SRGAP1: variants seen among roughly 807,000 people sequenced by gnomAD.
The protein encoded by SRGAP1 is SLIT-ROBO Rho GTPase activating protein 1, also known as SLIT-ROBO Rho GTPase-activating protein 1.
A neutral mutation model predicts 121.9 loss-of-function variants in SRGAP1; 43 were observed. The observed-to-expected ratio is 0.35, with a 90% CI of 0.28 to 0.46. SRGAP1 has a LOEUF of 0.46. Among genes scored for constraint, SRGAP1 ranks in the 20% least tolerant of loss-of-function variants. SRGAP1 has a pLI of 1.00. For missense variants in SRGAP1, 1,102 were observed against 1,350.9 expected (o/e 0.82, Z 2.89); for synonymous variants, 447 against 485.4 (o/e 0.92, Z 1.04).
At chr12:63,849,504 G>A (rs1899006092) in intron 1 of SRGAP1, among the ~76,000 whole-genome samples, 3 of 152,156 alleles carry the variant, frequency 2.0e-5, no homozygotes, top group Non-Finnish European at 2.9e-5. Flanking sequence ...TATCTACATG[G>A]AATATGTACA....
At chr12:64,125,540 G>T (rs956346536) in intron 18 of SRGAP1, among the ~76,000 whole-genome samples, 1 of 152,200 alleles carries the variant, frequency 6.6e-6, no homozygotes. Context: ...TTCTGAGATG[G>T]TGATTTTTTT....
At chr12:63,989,746 C>CT (rs1310617726) in intron 2 of SRGAP1, among the ~76,000 whole-genome samples, 164 bp from the exon 3 acceptor site, 3 of 152,250 alleles carry the variant, frequency 2.0e-5, no homozygotes, top group Non-Finnish European at 4.4e-5. Flanking sequence ...GGCTGGAAGC[C>CT]TGTTCTGCTG....
At chr12:63,940,317 T>C (rs1469650192) in intron 1 of SRGAP1, among the ~76,000 whole-genome samples, 2 of 151,054 alleles carry the variant, frequency 1.3e-5, no homozygotes, top group African/African-American at 4.9e-5. Flanking sequence ...CCCCACTCCA[T>C]CCTGCCTTTT....
intron 1 of SRGAP1, among the ~76,000 whole-genome samples, chr12:63,868,079 GT>G (rs1565927744): frequency 5.0e-3 from 318 of 63,440 alleles, no homozygotes; most frequent in African/African-American, 0.019. Context: ...TTTTTTTTTT[GT>G]TTTTTTTTTT....
intron 14 of SRGAP1, 68 bp from the exon 15 acceptor site, chr12:64,097,173 T>C (rs1772026150): frequency 5.4e-6 from 8 of 1,487,328 alleles, no homozygotes; most frequent in South Asian, 2.6e-5. Flanking sequence ...TGTATGTTCA[T>C]AGAAATATAT....
chr12:64,101,308 G>GGTGCGTGT (rs1555174259), intron 15 of SRGAP1, among the ~76,000 whole-genome samples: 1 of 138,010 alleles, frequency 7.2e-6, no homozygotes, highest in Non-Finnish European at 1.6e-5. Context: ...TGGGGAAAGG[G>GGTGCGTGT]GTGTGTGTGT....
At chr12:64,016,229 G>A (rs1309315807) in intron 3 of SRGAP1, among the ~76,000 whole-genome samples, 4 of 152,094 alleles carry the variant, frequency 2.6e-5, no homozygotes, top group South Asian at 2.1e-4. Context: ...GCAGATTACC[G>A]AGTTTGAGAC....
At chr12:64,122,943 G>A (rs1465433669) in intron 18 of SRGAP1, among the ~76,000 whole-genome samples, 1 of 152,122 alleles carries the variant, frequency 6.6e-6, no homozygotes, top group East Asian at 1.9e-4. Context: ...TAGAGGTCGT[G>A]ATTGTGCAAT....
At chr12:64,051,279 A>G (rs1159127272) in intron 6 of SRGAP1, among the ~76,000 whole-genome samples, 1 of 152,154 alleles carries the variant, frequency 6.6e-6, no homozygotes, top group Non-Finnish European at 1.5e-5. Context: ...GGTGATGCTA[A>G]AATTGCTGTC....
At chr12:64,051,365 A>T (rs2035236348) in intron 6 of SRGAP1, among the ~76,000 whole-genome samples, 2 of 152,208 alleles carry the variant, frequency 1.3e-5, no homozygotes, top group African/African-American at 2.4e-5. Context: ...TGGATATTTT[A>T]AAACCTCTCA....
At chr12:63,914,830 G>A (rs1014113609) in intron 1 of SRGAP1, among the ~76,000 whole-genome samples, 39 of 151,130 alleles carry the variant, frequency 2.6e-4, no homozygotes, top group African/African-American at 8.3e-4. Context: ...GCTGACCTAC[G>A]TAATTAGGAC....
chr12:63,935,262 G>A (rs1417317353), intron 1 of SRGAP1, among the ~76,000 whole-genome samples: 1 of 152,216 alleles, frequency 6.6e-6, no homozygotes, highest in Non-Finnish European at 1.5e-5. Context: ...TCGTGGAATT[G>A]TGCCTTAATT....
Position 64,162,203 on chromosome 12 carries a change from C to T in SRGAP1, c.*19531C>T, listed in dbSNP as rs561507197. On this transcript the variant is annotated 3_prime_UTR_variant, in exon 22 of 22. Transcript: ENST00000355086. ...CCACTGAATTGTATCCAATAAAGTA[C>T]TAAATTGTATGATATATGAATTATA... The T allele has an allele frequency of 1.3e-5, 2 of 152,090 alleles. No individual in the cohort carries two copies. The highest frequency in any genetic ancestry group is 4.8e-5 in the African/African-American group (2 of 41,410). The allele number at this position is 152,090 out of a possible 1,614,324, so 9.4% of individuals were successfully genotyped here. A position where few individuals can be genotyped will look rare whatever the true frequency, so the allele number is the denominator to read the frequency against.
intron 1 of SRGAP1, among the ~76,000 whole-genome samples, chr12:63,863,815 A>C (rs553857841): frequency 2.6e-5 from 4 of 152,366 alleles, no homozygotes; most frequent in Admixed American, 2.6e-4. Flanking sequence ...AGCCAGAGTA[A>C]TAAGCTCAGA....
intron 1 of SRGAP1, among the ~76,000 whole-genome samples, chr12:63,947,243 A>C (rs1312260115): frequency 6.6e-6 from 1 of 152,194 alleles, no homozygotes; most frequent in East Asian, 1.9e-4. Flanking sequence ...ACCATTTTAC[A>C]ATTTCACCAG....
intron 3 of SRGAP1, among the ~76,000 whole-genome samples, chr12:64,003,688 C>T (rs2033986359): frequency 6.6e-6 from 1 of 151,904 alleles, no homozygotes; most frequent in Non-Finnish European, 1.5e-5. Context: ...ATGAACAGAG[C>T]CTCAGGGACT....
intron 1 of SRGAP1, among the ~76,000 whole-genome samples, chr12:63,921,404 A>G (rs1336997930): frequency 2.0e-5 from 3 of 152,192 alleles, no homozygotes; most frequent in African/African-American, 7.2e-5. Flanking sequence ...CTGAATGACC[A>G]GGTTCCTGCC....
At chr12:63,949,188 T>TTTTTTTCCATATATATATATA (rs1471813500) in intron 1 of SRGAP1, among the ~76,000 whole-genome samples, 1 of 136,592 alleles carries the variant, frequency 7.3e-6, no homozygotes, top group African/African-American at 2.7e-5. Context: ...CATATATATT[T>TTTTTTTCCATATATATATATA]TTTTTTCCAT....
chr12:64,089,392 C>G (rs1220876504), intron 11 of SRGAP1, among the ~76,000 whole-genome samples: 1 of 152,222 alleles, frequency 6.6e-6, no homozygotes, highest in Admixed American at 6.5e-5. Flanking sequence ...CACCCCGGTG[C>G]TTCCTTCTGT....
Sources: gnomAD v4.1 joint callset for allele counts (sites outside exome capture counted in the v4.1 genomes callset) on GRCh38, gnomAD v4.1.1 for gene constraint, MANE v1.5 for transcripts, NCBI Gene and HGNC (gene_info 2026-07-23, HGNC 2026-07-21) for gene names.